TMEM217: variants seen among roughly 807,000 people sequenced by gnomAD.
TMEM217 encodes the protein chromosome 6 open reading frame 128.
For missense variants in TMEM217, 204 were observed against 248.8 expected (o/e 0.82, Z 1.21); for synonymous variants, 76 against 88.3 (o/e 0.86, Z 0.78).
chr6:37,218,780 T>A (rs1562001925), exon 2 of TMEM217: 1 of 1,614,110 alleles, frequency 6.2e-7, no homozygotes, highest in East Asian at 2.2e-5. Flanking sequence ...ATACACTGAG[T>A]ACAGGAGGAA....
At chr6:37,228,224 C>T (rs369198562) in intron 1 of TMEM217, among the ~76,000 whole-genome samples, 2 of 151,850 alleles carry the variant, frequency 1.3e-5, no homozygotes, top group South Asian at 4.1e-4. Context: ...AGCAAGACTC[C>T]ATTTCAAAAA....
At chr6:37,243,208 A>G (rs1182796081) in intron 1 of TMEM217, among the ~76,000 whole-genome samples, 1 of 152,238 alleles carries the variant, frequency 6.6e-6, no homozygotes, top group Non-Finnish European at 1.5e-5. Flanking sequence ...TTAATTTGGC[A>G]AGGGCTATTA....
chr6:37,216,552 G>A (rs1316409339), downstream of TMEM217, among the ~76,000 whole-genome samples: 5 of 152,168 alleles, frequency 3.3e-5, no homozygotes, highest in South Asian at 2.1e-4. Flanking sequence ...GGAAGAAGGA[G>A]TCTGGGATGA....
exon 2 of TMEM217, chr6:37,218,345 T>G (rs1171682792): frequency 1.7e-5 from 22 of 1,267,814 alleles, no homozygotes; most frequent in Non-Finnish European, 1.9e-5. Flanking sequence ...ATTTTCTATT[T>G]TTTTTAGTAG....
At chr6:37,254,787 A>G (rs907417461) in intron 1 of TMEM217, among the ~76,000 whole-genome samples, 1 of 152,192 alleles carries the variant, frequency 6.6e-6, no homozygotes, top group Admixed American at 6.5e-5. Flanking sequence ...GGGGTTCACG[A>G]TCTCTAGGGC....
chr6:37,250,821 C>A (rs1359655615), intron 1 of TMEM217, among the ~76,000 whole-genome samples: 2 of 152,258 alleles, frequency 1.3e-5, no homozygotes, highest in Non-Finnish European at 2.9e-5. Flanking sequence ...TATTCTATTT[C>A]ATTAAAGGTC....
chr6:37,220,493 A>T (rs968992275), intron 1 of TMEM217, among the ~76,000 whole-genome samples: 1 of 151,944 alleles, frequency 6.6e-6, no homozygotes, highest in Admixed American at 6.6e-5. Flanking sequence ...TGTTAACTAC[A>T]CTGAGCAGGT....
intron 1 of TMEM217, among the ~76,000 whole-genome samples, chr6:37,233,191 A>G (rs549334740): frequency 1.3e-5 from 2 of 152,012 alleles, no homozygotes; most frequent in South Asian, 4.2e-4. Flanking sequence ...TATTTAAGTA[A>G]ATGATATTAA....
At chr6:37,244,653 T>A (rs182421022) in intron 1 of TMEM217, among the ~76,000 whole-genome samples, 2 of 152,348 alleles carry the variant, frequency 1.3e-5, no homozygotes, top group African/African-American at 4.8e-5. Flanking sequence ...GAGAATCATA[T>A]GTGTGTTGGC....
At chr6:37,226,002 G>A (rs986699280) in intron 1 of TMEM217, among the ~76,000 whole-genome samples, 6 of 152,132 alleles carry the variant, frequency 3.9e-5, no homozygotes, top group Non-Finnish European at 8.8e-5. Flanking sequence ...ATTGTCTTTT[G>A]GGGTTTCTTT....
At chr6:37,215,564 C>G (rs542694183), downstream of TMEM217, among the ~76,000 whole-genome samples, 8 of 79,092 alleles carry the variant, frequency 1.0e-4, no homozygotes, top group South Asian at 3.6e-3. Context: ...GAGCGAGACT[C>G]TGTCTCAAAA....
chr6:37,213,081 G>A (rs970137786), downstream of TMEM217: 3 of 894,028 alleles, frequency 3.4e-6, no homozygotes, highest in Non-Finnish European at 5.1e-6. Context: ...ATATAAATCA[G>A]AGAGCTAAGA....
At chr6:37,231,152 C>A (rs13196131) in intron 1 of TMEM217, among the ~76,000 whole-genome samples, 9 of 151,696 alleles carry the variant, frequency 5.9e-5, no homozygotes, top group Non-Finnish European at 1.2e-4. Flanking sequence ...CTCCACCTCC[C>A]GGGTTCAAGC....
At chr6:37,243,855 C>A (rs549095755) in intron 1 of TMEM217, among the ~76,000 whole-genome samples, 1 of 152,132 alleles carries the variant, frequency 6.6e-6, no homozygotes, top group African/African-American at 2.4e-5. Flanking sequence ...GTGGAAAACT[C>A]CTTGTGTGCT....
intron 1 of TMEM217, among the ~76,000 whole-genome samples, chr6:37,242,918 A>G (rs1764846779): frequency 1.3e-5 from 2 of 152,224 alleles, no homozygotes; most frequent in Admixed American, 1.3e-4. Flanking sequence ...GAAGTAAAAC[A>G]TTTCCCAGAA....
intron 1 of TMEM217, among the ~76,000 whole-genome samples, chr6:37,243,081 G>A (rs1764858231): frequency 6.6e-6 from 1 of 152,056 alleles, no homozygotes; most frequent in Non-Finnish European, 1.5e-5. Context: ...TGCCCACACT[G>A]TGAACACAGT....
chr6:37,237,753 A>G (rs565282846), intron 1 of TMEM217, among the ~76,000 whole-genome samples: 52 of 152,362 alleles, frequency 3.4e-4, no homozygotes, highest in African/African-American at 1.1e-3. Flanking sequence ...ACAATGTAAT[A>G]TCAAGTGAAA....
At chr6:37,252,305 G>T (rs1562027343) in intron 1 of TMEM217, among the ~76,000 whole-genome samples, 2 of 152,074 alleles carry the variant, frequency 1.3e-5, no homozygotes, top group Non-Finnish European at 1.5e-5. Flanking sequence ...TTATTACACA[G>T]CCCCGAGAGC....
intron 1 of TMEM217, among the ~76,000 whole-genome samples, chr6:37,235,514 C>A (rs189981717): frequency 2.6e-5 from 4 of 152,060 alleles, no homozygotes; most frequent in African/African-American, 7.2e-5. Flanking sequence ...TACAGGCACC[C>A]GCCACCACGC....
Sources: gnomAD v4.1 joint callset for allele counts (sites outside exome capture counted in the v4.1 genomes callset) on GRCh38, gnomAD v4.1.1 for gene constraint, MANE v1.5 for transcripts, NCBI Gene and HGNC (gene_info 2026-07-23, HGNC 2026-07-21) for gene names.